Variants in CEP290 observed in about 807,000 individuals in gnomAD.
CEP290 encodes the protein centrosomal protein 290, also known as centrosomal protein of 290 kDa.
Under a neutral mutation model 344.9 loss-of-function variants are expected in CEP290, and 317 were observed. The observed-to-expected ratio is 0.92, with a 90% confidence interval of 0.84 to 1.01. CEP290 has a LOEUF of 1.01. Among genes scored for constraint, CEP290 ranks in the 50% least tolerant of loss-of-function variants. The probability of loss-of-function intolerance (pLI) is 0.00; values close to 1 mark genes in which losing one functional copy is unlikely to be tolerated. For synonymous variants in CEP290, 932 were observed against 895.8 expected (o/e 1.04, Z -0.72); for missense variants, 2,754 against 2,761.4 (o/e 1.00, Z 0.06).
At chr12:88,076,241 C>A (rs2471544) in intron 41 of CEP290, among the ~76,000 whole-genome samples, 78,285 of 151,966 alleles carry the variant, frequency 0.52, 22,611 homozygotes, top group East Asian at 0.72. Flanking sequence ...TGTGACTCCA[C>A]GCAAATAGTG....
At position 88,129,717 on chromosome 12, in the gene CEP290, C is replaced by CT; in HGVS notation, c.828dup (p.Glu277ArgfsTer21). 2.1e-6 allele frequency: 3 copies of CT among 1,449,216 alleles called. No individual in the cohort carries two copies. The highest frequency in any genetic ancestry group is 2.7e-5 in the East Asian group (1 of 36,938). 89.8% of individuals were successfully genotyped at this position (1,449,216 alleles called of 1,614,324 possible). A position where few individuals can be genotyped will look rare whatever the true frequency, so the allele number is the denominator to read the frequency against. On this transcript the variant is annotated frameshift_variant, in exon 10 of 54. Coordinates refer to ENST00000552810, the MANE Select transcript of CEP290 (RefSeq NM_025114.4). LOFTEE classifies it high-confidence loss of function. ...ACTTGAAGTTGATAATGATCGTTTT[C>CT]TTTTTTTAACTGATCTATTACATTA...
At chr12:88,105,491 G>C (rs2038207893) in intron 25 of CEP290, among the ~76,000 whole-genome samples, 2 of 152,132 alleles carry the variant, frequency 1.3e-5, no homozygotes, top group South Asian at 4.1e-4. Context: ...CAAATAGCCT[G>C]GGCTAATGAG....
At position 88,141,032 on chromosome 12, in the gene CEP290, A is replaced by G; in HGVS notation, c.104T>C (p.Val35Ala). The change falls in exon 3 of 54, where the codon GTG becomes GCG. Residue 35 changes from valine (V) to alanine (A), a missense_variant and splice_region_variant. Coordinates refer to ENST00000552810, the MANE Select transcript of CEP290 (RefSeq NM_025114.4). ...TTCACTTTTTAGCTCATTTACTTCCACCTAAGTAAACAGAAAAGCAACTGT... is the reference window on the plus strand; with the variant it reads ...TTCACTTTTTAGCTCATTTACTTCCGCCTAAGTAAACAGAAAAGCAACTGT... ...ADNLLISLSK[V>A]EVNELKSEKQ... 1.3e-6 allele frequency: 2 copies of G among 1,569,134 alleles called. No individual in the cohort carries two copies. The highest frequency in any genetic ancestry group is 1.7e-6 in the Non-Finnish European group (2 of 1,160,472).
At chr12:88,060,217 A>G (rs2034362436) in intron 47 of CEP290, among the ~76,000 whole-genome samples, 197 bp from the exon 48 acceptor site, 1 of 152,214 alleles carries the variant, frequency 6.6e-6, no homozygotes, top group African/African-American at 2.4e-5. Context: ...TGATGACTTA[A>G]AATAACAACA....
intron 28 of CEP290, chr12:88,093,557 T>A (rs2037204400): frequency 4.3e-6 from 2 of 468,692 alleles, no homozygotes; most frequent in South Asian, 3.2e-5. Context: ...TTAAATCTAA[T>A]AATATAACAT....
intron 53 of CEP290, chr12:88,049,662 C>CT (rs1395686279): frequency 1.9e-5 from 6 of 320,060 alleles, no homozygotes; most frequent in African/African-American, 1.1e-4. Flanking sequence ...TTTATCATCT[C>CT]TTATAATGGG....
In CEP290 at chr12:88,117,113, T is replaced by C. The variant is rs1326037535; in HGVS notation, c.1744A>G (p.Asn582Asp). ...LTTEDLNLTE[N>D]ISQGDRISER... ...CTTATTCTATCTCCTTGAGAAATGT[T>C]TTCAGTTAGGTTCAGGTCCTCAGTG... Residue 582 changes from asparagine to aspartate, a missense_variant, in exon 18 of 54, where the codon AAC becomes GAC. Coordinates refer to ENST00000552810, the MANE Select transcript of CEP290 (RefSeq NM_025114.4). 3 of 1,560,926 alleles carry C rather than the reference T, an allele frequency of 1.9e-6. No homozygotes were observed. Among genetic ancestry groups the C allele is most frequent in the Admixed American group, 3.8e-5 (2 of 52,442 alleles).
intron 25 of CEP290, chr12:88,103,307 G>T (rs2038040372): frequency 5.7e-6 from 1 of 174,702 alleles, no homozygotes; most frequent in African/African-American, 2.4e-5. Context: ...ATATCACTCG[G>T]AATTTATCTT....
intron 44 of CEP290, among the ~76,000 whole-genome samples, chr12:88,065,793 A>G (rs933058877): frequency 7.6e-4 from 115 of 152,214 alleles, no homozygotes; most frequent in African/African-American, 2.6e-3. Context: ...ACTATTAGTG[A>G]TTATGGCTCA....
intron 5 of CEP290, among the ~76,000 whole-genome samples, chr12:88,138,830 T>C (rs1456930108): frequency 6.6e-6 from 1 of 152,184 alleles, no homozygotes; most frequent in African/African-American, 2.4e-5. Flanking sequence ...AAATTACTTC[T>C]ATAACACCCT....
intron 6 of CEP290, chr12:88,135,699 T>C (rs1437819277): frequency 1.3e-5 from 2 of 152,126 alleles, no homozygotes; most frequent in Non-Finnish European, 2.9e-5. Context: ...TTCTCTTAAA[T>C]AGCATATCAT....
chr12:88,053,685 T>C lies in CEP290; in HGVS notation c.7096A>G (p.Lys2366Glu). The stretch of plus-strand genomic sequence containing the variant: ...GTGCTTTCAGCTCCACTTTGGTCCT[T>C]GTTAGCTTCTATCTGATGGATTAAT... Reference protein sequence around the residue: ...AELIHQIEANKDQSGAESTIP... With the variant: ...AELIHQIEANEDQSGAESTIP... Residue 2366 changes from lysine to glutamate, a missense_variant, in exon 52 of 54, where the codon AAG becomes GAG. Coordinates refer to ENST00000552810, the MANE Select transcript of CEP290 (RefSeq NM_025114.4). 1 of 1,553,116 alleles carries C rather than the reference T, an allele frequency of 6.4e-7. No homozygotes were observed. The highest frequency in any genetic ancestry group is 8.7e-7 in the Non-Finnish European group (1 of 1,145,784).
At chr12:88,136,871 G>T in intron 5 of CEP290, 85 bp from the exon 6 acceptor site, 1 of 1,222,568 alleles carries the variant, frequency 8.2e-7, no homozygotes, top group Non-Finnish European at 1.2e-6. Context: ...TAATTATGCT[G>T]AATTTAAATT....
intron 11 of CEP290, 133 bp downstream of exon 11, chr12:88,128,808 TAAATA>T: frequency 2.0e-6 from 1 of 506,068 alleles, no homozygotes; most frequent in Admixed American, 4.3e-5. Context: ...TTCTAACCAA[TAAATA>T]AAATAAACTT....
intron 32 of CEP290, among the ~76,000 whole-genome samples, chr12:88,087,211 G>A (rs2036648482): frequency 6.6e-6 from 1 of 152,010 alleles, no homozygotes; most frequent in South Asian, 2.1e-4. Context: ...GTAGAAACGT[G>A]GAACTGTGAA....
At chr12:88,124,917 A>T (rs1003967870) in intron 13 of CEP290, among the ~76,000 whole-genome samples, 21 of 152,084 alleles carry the variant, frequency 1.4e-4, no homozygotes, top group African/African-American at 4.6e-4. Context: ...ACACTGGTCA[A>T]AATTTTATTA....
Position 88,130,350 on chromosome 12 carries a change from G to A in CEP290, c.587C>T (p.Ser196Leu), listed in dbSNP as rs2039989513. 6.2e-7 allele frequency: 1 copy of A among 1,609,810 alleles called. No individual in the cohort carries two copies. Among genetic ancestry groups the A allele is most frequent in the Non-Finnish European group, 8.5e-7 (1 of 1,178,342 alleles). ...GTAGTCACTGTCTTCCCCTCTTCTTGATAAAAGTGTTTCTTTCTGTGAATC... is the reference window on the plus strand; with the variant it reads ...GTAGTCACTGTCTTCCCCTCTTCTTAATAAAAGTGTTTCTTTCTGTGAATC... The part of the protein sequence containing the change: ...QIDSQKETLL[S>L]RRGEDSDYRS... The change falls in exon 9 of 54, where the codon TCA (serine) becomes TTA (leucine). Residue 196 changes from serine to leucine, a missense_variant. By Grantham distance (145) the Ser-to-Leu change is moderately radical (BLOSUM62 -2). Coordinates refer to ENST00000552810, the MANE Select transcript of CEP290 (RefSeq NM_025114.4).
chr12:88,097,242 A>G (rs536791059), intron 26 of CEP290, among the ~76,000 whole-genome samples: 4 of 152,196 alleles, frequency 2.6e-5, no homozygotes, highest in Admixed American at 2.6e-4. Flanking sequence ...CTCATCTTGA[A>G]TCATAGTTCC....
At chr12:88,115,298 C>G (rs947545812) in intron 18 of CEP290, 116 bp from the exon 19 acceptor site, 2 of 701,390 alleles carry the variant, frequency 2.9e-6, no homozygotes, top group Non-Finnish European at 4.6e-6. Context: ...ACAAAAAAAA[C>G]GAGCTATGAA....
Sources: allele counts gnomAD v4.1 joint callset (sites outside exome capture counted in the v4.1 genomes callset), GRCh38; gene constraint gnomAD v4.1.1; transcripts MANE v1.5; gene names NCBI Gene and HGNC (gene_info 2026-07-23, HGNC 2026-07-21).